Variants in CTDP1 observed in about 807,000 individuals in gnomAD.
CTDP1 encodes CTD phosphatase 1, also known as RNA polymerase II subunit A C-terminal domain phosphatase.
A neutral mutation model predicts 91.8 loss-of-function variants in CTDP1; 47 were observed. The observed-to-expected ratio is 0.51, with a 90% confidence interval of 0.41 to 0.65. CTDP1 has a LOEUF of 0.65. Among genes scored for constraint, CTDP1 ranks in the 30% least tolerant of loss-of-function variants. The probability of loss-of-function intolerance (pLI) is 0.00; values close to 1 mark genes in which losing one functional copy is unlikely to be tolerated. For missense variants in CTDP1, 1,272 were observed against 1,373.7 expected (o/e 0.93, Z 1.17); for synonymous variants, 656 against 598.5 (o/e 1.10, Z -1.40).
upstream of CTDP1, chr18:79,679,263 C>T (rs893306050): frequency 7.8e-6 from 3 of 385,562 alleles, no homozygotes; most frequent in Admixed American, 5.6e-5. Flanking sequence ...CCGCAACCCC[C>T]AAGCTCCCGC....
chr18:79,715,471 C>T lies in CTDP1; in HGVS notation c.2011C>T (p.Leu671=), dbSNP rs1452197352. The T allele has an allele frequency of 6.3e-7, 1 of 1,583,572 alleles. No individual in the cohort carries two copies. The highest frequency in any genetic ancestry group is 8.6e-7 in the Non-Finnish European group (1 of 1,165,966). The change falls in exon 8 of 13, where the codon CTG becomes TTG. Residue 671 remains leucine (L), a synonymous_variant. Coordinates refer to ENST00000613122, the MANE Select transcript of CTDP1 (RefSeq NM_004715.5). The part of the protein sequence containing the change: ...TALGAKILTR[L]VLSPDAPDRA... ...GCTGGGAGCGAAGATCCTCACTCGG[C>T]TGGTGCTGAGCCCCGACGCCCCTGA...
intron 11 of CTDP1, among the ~76,000 whole-genome samples, chr18:79,731,107 G>A (rs1017113719): frequency 8.5e-5 from 13 of 152,178 alleles, no homozygotes; most frequent in Non-Finnish European, 1.6e-4. Flanking sequence ...ACCTGCCCCC[G>A]GGTGCTCCCT....
intron 1 of CTDP1, among the ~76,000 whole-genome samples, chr18:79,693,200 G>A (rs376042166): frequency 6.6e-6 from 1 of 152,166 alleles, no homozygotes; most frequent in Non-Finnish European, 1.5e-5. Context: ...CTTTGAGCAG[G>A]TGTGGTGACC....
At chr18:79,716,623 T>C (rs2086214831) in intron 8 of CTDP1, among the ~76,000 whole-genome samples, 1 of 152,292 alleles carries the variant, frequency 6.6e-6, no homozygotes, top group East Asian at 1.9e-4. Context: ...GCCGCGTGTC[T>C]GCCCAGCTCC....
At chr18:79,695,456 A>T in intron 2 of CTDP1, 148 bp downstream of exon 2, 1 of 733,784 alleles carries the variant, frequency 1.4e-6, no homozygotes, top group South Asian at 1.5e-5. Context: ...CATACGAGTC[A>T]CACTCAATGG....
chr18:79,753,624 A>G, intron 12 of CTDP1, 28 bp from the exon 13 acceptor site: 1 of 1,614,060 alleles, frequency 6.2e-7, no homozygotes, highest in Non-Finnish European at 8.5e-7. Flanking sequence ...TGCCACAAGC[A>G]TCTCACACCA....
At chr18:79,729,132 T>C in intron 11 of CTDP1, 63 bp downstream of exon 11, 1 of 1,603,652 alleles carries the variant, frequency 6.2e-7, no homozygotes, top group Non-Finnish European at 8.5e-7. Context: ...AGAGCTCTGG[T>C]GTGCGGGCGG....
chr18:79,694,597 T>G (rs1245967208), intron 1 of CTDP1, among the ~76,000 whole-genome samples: 1 of 97,802 alleles, frequency 1.0e-5, no homozygotes, highest in Admixed American at 1.1e-4. Flanking sequence ...GTTCGCAGGG[T>G]GGGGCGGTCG....
At chr18:79,749,156 C>T (rs1266211197) in intron 12 of CTDP1, among the ~76,000 whole-genome samples, 1 of 152,236 alleles carries the variant, frequency 6.6e-6, no homozygotes, top group East Asian at 1.9e-4. Flanking sequence ...TTGCCATCCT[C>T]TTGCTGCCAT....
At chr18:79,680,509 C>A (rs1019028482) in intron 1 of CTDP1, among the ~76,000 whole-genome samples, 9 of 152,224 alleles carry the variant, frequency 5.9e-5, no homozygotes, top group Non-Finnish European at 1.0e-4. Context: ...TTTGGAAAAG[C>A]TATGTTTGTT....
intron 12 of CTDP1, among the ~76,000 whole-genome samples, chr18:79,751,526 CG>C (rs1435314068): frequency 6.6e-6 from 1 of 152,142 alleles, no homozygotes; most frequent in African/African-American, 2.4e-5. Context: ...TGCCAGCCCA[CG>C]GGGTTCTCTT....
intron 10 of CTDP1, among the ~76,000 whole-genome samples, chr18:79,719,486 TGATG>T (rs2086289851): frequency 6.6e-6 from 1 of 152,178 alleles, no homozygotes; most frequent in African/African-American, 2.4e-5. Context: ...ATGTCATCCC[TGATG>T]GATAGGAAGG....
At chr18:79,749,252 C>G (rs903170713) in intron 12 of CTDP1, among the ~76,000 whole-genome samples, 5 of 152,280 alleles carry the variant, frequency 3.3e-5, no homozygotes, top group East Asian at 1.9e-4. Flanking sequence ...TCGCCCTCCC[C>G]CTCCTCTCCC....
chr18:79,716,487 C>T (rs572726114), intron 8 of CTDP1, among the ~76,000 whole-genome samples: 2 of 152,338 alleles, frequency 1.3e-5, no homozygotes, highest in African/African-American at 4.8e-5. Context: ...TGGAGCCCAG[C>T]GAGACCCTTG....
chr18:79,686,560 T>C (rs2085498168), intron 1 of CTDP1, among the ~76,000 whole-genome samples: 1 of 152,258 alleles, frequency 6.6e-6, no homozygotes. Context: ...GCAAAATTCC[T>C]TACAATGTTA....
Position 79,754,232 on chromosome 18 carries a change from G to A in CTDP1, c.*442G>A, listed in dbSNP as rs931939411. 3.7e-5 allele frequency: 9 copies of A among 242,508 alleles called. 1 individual carries two copies. Among genetic ancestry groups the A allele is most frequent in the South Asian group, 3.0e-4 (6 of 19,916 alleles). 15.0% of individuals were successfully genotyped at this position (242,508 alleles called of 1,614,324 possible). A position where few individuals can be genotyped will look rare whatever the true frequency, so the allele number is the denominator to read the frequency against. The stretch of plus-strand genomic sequence containing the variant: ...CAGCACAGACATGCCTGGAACCCCC[G>A]CCGCCTGCTGCTCCCTCCTAGGGAA... On this transcript the variant is annotated 3_prime_UTR_variant, in exon 13 of 13. Transcript: ENST00000613122.
chr18:79,732,582 G>A (rs1376584039), intron 11 of CTDP1, among the ~76,000 whole-genome samples: 5 of 147,656 alleles, frequency 3.4e-5, no homozygotes, highest in South Asian at 4.4e-4. Context: ...CTCACATCAG[G>A]AGTGCTCCCA....
At chr18:79,749,796 G>A (rs1270159470) in intron 12 of CTDP1, 1 of 152,382 alleles carries the variant, frequency 6.6e-6, no homozygotes, top group South Asian at 2.1e-4. Flanking sequence ...TTCTCAAAAC[G>A]GAGTGAGGTG....
upstream of CTDP1, chr18:79,677,427 G>A (rs910262361): frequency 6.6e-6 from 1 of 152,300 alleles, no homozygotes; most frequent in Non-Finnish European, 1.5e-5. Flanking sequence ...ACAGAAGGCA[G>A]AGGTGAGGCC....
Sources: gnomAD v4.1 joint callset for allele counts (sites outside exome capture counted in the v4.1 genomes callset) on GRCh38, gnomAD v4.1.1 for gene constraint, MANE v1.5 for transcripts, NCBI Gene and HGNC (gene_info 2026-07-23, HGNC 2026-07-21) for gene names.